Variants in CENPL observed in about 807,000 individuals in gnomAD.
The protein encoded by CENPL is centromere protein L.
Under a neutral mutation model 35.2 loss-of-function variants are expected in CENPL, and 20 were observed. The ratio of observed to expected loss-of-function variants is 0.57; its 90% CI spans 0.40 to 0.83. The LOEUF (loss-of-function observed/expected upper bound fraction) is 0.83. Ranked by LOEUF, CENPL falls within the 40% of genes least tolerant of loss-of-function variation. The pLI is 0.00. For missense variants in CENPL, 363 were observed against 395.8 expected (o/e 0.92, Z 0.70); for synonymous variants, 140 against 140.6 (o/e 1.00, Z 0.03).
Position 173,801,427 on chromosome 1 carries a change from T to C in CENPL, c.964-908A>G, listed in dbSNP as rs146998343. On this transcript the variant is annotated intron_variant, in intron 5 of 5. Coordinates refer to ENST00000682279, the MANE Select transcript of CENPL (RefSeq NM_001387287.1). ...TACTCGGGAGGCTGAGGCAGGAGAA[T>C]TGCTTGAACCCAGGAGGCGGAGGCT... 1.7e-3 allele frequency among the ~76,000 whole-genome samples: 257 copies of C among 150,864 alleles called. 1 individual carries two copies. Among genetic ancestry groups the C allele is most frequent in the East Asian group, 6.0e-3 (31 of 5,128 alleles).
At chr1:173,810,765 C>G (rs1650735888) in intron 3 of CENPL, among the ~76,000 whole-genome samples, 1 of 151,864 alleles carries the variant, frequency 6.6e-6, no homozygotes, top group Admixed American at 6.6e-5. Context: ...CTAAAAAATA[C>G]AAAAGATTAG....
rs1410092513 is a variant in CENPL at position 173,801,450 on chromosome 1, G to C, written c.964-931C>G. Among the ~76,000 whole-genome samples, 4 of 150,730 alleles carry C rather than the reference G, an allele frequency of 2.7e-5. No homozygotes were observed. The East Asian group carries it at 7.8e-4, about 30-fold the overall frequency. ...AATTGCTTGAACCCAGGAGGCGGAG[G>C]CTGCAGTAAGCCAAGATCACACCAC... On this transcript the variant is annotated intron_variant, in intron 5 of 5. Transcript: ENST00000682279.
rs1206874467 is a variant in CENPL at position 173,810,273 on chromosome 1, T to A, written c.168+859A>T. 2.0e-5 allele frequency among the ~76,000 whole-genome samples: 3 copies of A among 151,940 alleles called. No individual in the cohort carries two copies. In the East Asian group the frequency reaches 5.8e-4, roughly 29 times the overall value. On this transcript the variant is annotated intron_variant, in intron 3 of 5. Transcript: ENST00000682279. The stretch of plus-strand genomic sequence containing the variant: ...ACAAGCAAAGGAACAGAAAACCAAA[T>A]ACCACATGTTCTCACTTATAAGTGG...
intron 2 of CENPL, among the ~76,000 whole-genome samples, chr1:173,819,597 A>T (rs1006687608): frequency 1.3e-5 from 2 of 152,216 alleles, no homozygotes; most frequent in Non-Finnish European, 2.9e-5. Context: ...TCTCAACAAC[A>T]ACAACAAAAG....
chr1:173,814,003 C>CA (rs1016456654), intron 2 of CENPL, among the ~76,000 whole-genome samples: 7 of 151,006 alleles, frequency 4.6e-5, no homozygotes, highest in South Asian at 2.1e-4. Context: ...AAATGGAAAG[C>CA]AAAAAAAAGC....
At chr1:173,819,223 G>C (rs191231611) in intron 2 of CENPL, among the ~76,000 whole-genome samples, 3 of 151,664 alleles carry the variant, frequency 2.0e-5, no homozygotes, top group Non-Finnish European at 2.9e-5. Flanking sequence ...GACACAGCAA[G>C]ACCCTCTCAA....
At chr1:173,814,349 T>C (rs189119743) in intron 2 of CENPL, among the ~76,000 whole-genome samples, 3 of 151,992 alleles carry the variant, frequency 2.0e-5, no homozygotes, top group Admixed American at 6.6e-5. Flanking sequence ...GACATCTACA[T>C]AACTCTCCAC....
intron 3 of CENPL, among the ~76,000 whole-genome samples, chr1:173,809,628 AC>A (rs999175704): frequency 9.9e-5 from 15 of 151,864 alleles, no homozygotes; most frequent in Admixed American, 2.0e-4. Context: ...CAAAAAAAAA[AC>A]AACCCCATTA....
intron 2 of CENPL, among the ~76,000 whole-genome samples, chr1:173,817,560 G>C (rs1020716380): frequency 3.9e-5 from 6 of 152,208 alleles, no homozygotes; most frequent in African/African-American, 9.6e-5. Context: ...GTTGGTGGGA[G>C]TGTAAACTAG....
Position 173,812,030 on chromosome 1 carries a change from G to C in CENPL, c.-7-724C>G, listed in dbSNP as rs370447464. 2.2e-4 allele frequency among the ~76,000 whole-genome samples: 33 copies of C among 152,366 alleles called. 1 individual carries two copies. In the South Asian group the frequency reaches 6.6e-3, roughly 31 times the overall value. On this transcript the variant is annotated intron_variant, in intron 2 of 5. Transcript: ENST00000682279. Reference sequence around the variant, plus strand: ...GGAGATTCTCTCCCGTGCCTGGCTTGGTGGGTCCCACACCCATAGAGCCTT... The same window carrying C: ...GGAGATTCTCTCCCGTGCCTGGCTTCGTGGGTCCCACACCCATAGAGCCTT...
intron 4 of CENPL, among the ~76,000 whole-genome samples, chr1:173,804,045 A>T (rs1650000130): frequency 6.6e-6 from 1 of 152,226 alleles, no homozygotes; most frequent in African/African-American, 2.4e-5. Flanking sequence ...AATAAGAGCT[A>T]CCAATATGGC....
intron 3 of CENPL, among the ~76,000 whole-genome samples, chr1:173,809,627 A>G (rs1275494373): frequency 1.3e-5 from 2 of 151,932 alleles, no homozygotes; most frequent in African/African-American, 4.8e-5. Flanking sequence ...ACAAAAAAAA[A>G]ACAACCCCAT....
intron 3 of CENPL, among the ~76,000 whole-genome samples, chr1:173,810,579 TA>T (rs562223560): frequency 3.3e-5 from 5 of 152,100 alleles, no homozygotes; most frequent in Admixed American, 3.3e-4. Flanking sequence ...TTAAAATACA[TA>T]AAAACTCCTC....
intron 2 of CENPL, 64 bp downstream of exon 2, chr1:173,823,862 T>G (rs1370055360): frequency 6.6e-6 from 1 of 152,162 alleles, no homozygotes; most frequent in East Asian, 1.9e-4. Context: ...TGTAAGATAA[T>G]GACCACACAA....
At chr1:173,816,872 G>C (rs530430880) in intron 2 of CENPL, among the ~76,000 whole-genome samples, 1 of 152,306 alleles carries the variant, frequency 6.6e-6, no homozygotes, top group African/African-American at 2.4e-5. Flanking sequence ...GGGCGCAGTG[G>C]CTCACGCCTG....
intron 2 of CENPL, among the ~76,000 whole-genome samples, chr1:173,812,384 C>A (rs185065424): frequency 6.6e-6 from 1 of 152,222 alleles, no homozygotes; most frequent in African/African-American, 2.4e-5. Flanking sequence ...CCCTGACCCC[C>A]GTGTAGCCTA....
intron 2 of CENPL, chr1:173,822,227 G>A (rs1314643846): frequency 1.3e-5 from 2 of 152,034 alleles, no homozygotes; most frequent in African/African-American, 4.8e-5. Context: ...GAAGATCATT[G>A]TTTTTGCCAA....
chr1:173,820,120 C>T (rs9425423), intron 2 of CENPL, among the ~76,000 whole-genome samples: 13,822 of 152,102 alleles, frequency 0.091, 2,030 homozygotes, highest in African/African-American at 0.31. Flanking sequence ...ATATTTGTAT[C>T]ACACTGGTCA....
intron 2 of CENPL, among the ~76,000 whole-genome samples, chr1:173,817,128 A>T (rs1264359595): frequency 6.6e-6 from 1 of 151,394 alleles, no homozygotes; most frequent in Non-Finnish European, 1.5e-5. Context: ...ACAGAGCGAG[A>T]CTCCGTCTCA....
Sources: gnomAD v4.1 joint callset for allele counts (sites outside exome capture counted in the v4.1 genomes callset) on GRCh38, gnomAD v4.1.1 for gene constraint, MANE v1.5 for transcripts, NCBI Gene and HGNC (gene_info 2026-07-23, HGNC 2026-07-21) for gene names.